WDR70: variants seen among roughly 807,000 people sequenced by gnomAD.
WDR70 encodes the protein WD repeat domain 70.
In WDR70, 53 loss-of-function variants were observed where a neutral mutation model predicts 88.6. The observed-to-expected ratio is 0.60, with a 90% CI of 0.48 to 0.75. The LOEUF is 0.75. Ranked by LOEUF, WDR70 falls within the 30% of genes least tolerant of loss-of-function variation. The pLI, the probability that WDR70 is intolerant of heterozygous loss-of-function variation, is 0.00. For synonymous variants in WDR70, 280 were observed against 270.0 expected (o/e 1.04, Z -0.36); for missense variants, 610 against 823.2 (o/e 0.74, Z 3.17).
intron 8 of WDR70, among the ~76,000 whole-genome samples, chr5:37,505,274 A>G (rs1490726499): frequency 6.6e-6 from 1 of 152,198 alleles, no homozygotes; most frequent in African/African-American, 2.4e-5. Flanking sequence ...TGGTATTTGA[A>G]TTAAATGAAT....
intron 5 of WDR70, among the ~76,000 whole-genome samples, chr5:37,431,422 A>T (rs1184421148): frequency 6.6e-6 from 1 of 151,462 alleles, no homozygotes; most frequent in Non-Finnish European, 1.5e-5. Flanking sequence ...ATGTCAATTC[A>T]GGTCCTCTCT....
intron 5 of WDR70, among the ~76,000 whole-genome samples, chr5:37,405,428 C>T (rs1749323894): frequency 1.3e-5 from 2 of 151,574 alleles, no homozygotes; most frequent in Admixed American, 1.3e-4. Flanking sequence ...TGGCTCACTG[C>T]AACCTCTGCC....
chr5:37,439,603 T>A (rs1750589672), intron 6 of WDR70, among the ~76,000 whole-genome samples: 2 of 149,310 alleles, frequency 1.3e-5, no homozygotes, highest in Non-Finnish European at 1.5e-5. Context: ...TTAGAGTGTC[T>A]AATTATACTC....
At chr5:37,485,877 T>A (rs1419407245) in intron 8 of WDR70, among the ~76,000 whole-genome samples, 1 of 138,036 alleles carries the variant, frequency 7.2e-6, no homozygotes, top group Admixed American at 7.3e-5. Context: ...TTTTTTTTTT[T>A]TTTTTTTTTG....
At chr5:37,445,424 A>G (rs1352192590) in intron 7 of WDR70, among the ~76,000 whole-genome samples, 5 of 151,542 alleles carry the variant, frequency 3.3e-5, no homozygotes, top group African/African-American at 9.7e-5. Flanking sequence ...CTATTCTGTT[A>G]TTTCATCTGC....
At chr5:37,393,639 T>C (rs942990369) in intron 4 of WDR70, among the ~76,000 whole-genome samples, 1 of 152,178 alleles carries the variant, frequency 6.6e-6, no homozygotes, top group Admixed American at 6.5e-5. Context: ...TGTTGTTTTA[T>C]TTTCATGTAT....
chr5:37,734,124 C>T (rs870101), intron 17 of WDR70, among the ~76,000 whole-genome samples: 3 of 152,094 alleles, frequency 2.0e-5, no homozygotes, highest in Non-Finnish European at 4.4e-5. Flanking sequence ...AAGTGTACCT[C>T]CTCCTTTCCA....
intron 7 of WDR70, among the ~76,000 whole-genome samples, chr5:37,463,381 C>T (rs530134444): frequency 1.3e-5 from 2 of 152,278 alleles, no homozygotes; most frequent in East Asian, 3.9e-4. Context: ...GACTCACATT[C>T]CAGTGCACTT....
chr5:37,462,721 A>AC (rs1380720910), intron 7 of WDR70, among the ~76,000 whole-genome samples: 1 of 151,990 alleles, frequency 6.6e-6, no homozygotes, highest in Admixed American at 6.6e-5. Flanking sequence ...AAGATTTTAT[A>AC]CCCCTCAAAT....
At chr5:37,712,982 G>A (rs376462852) in intron 13 of WDR70, among the ~76,000 whole-genome samples, 7 of 152,214 alleles carry the variant, frequency 4.6e-5, no homozygotes, top group South Asian at 2.1e-4. Flanking sequence ...GTGAGCCATC[G>A]CGCCTGGCCT....
intron 13 of WDR70, among the ~76,000 whole-genome samples, chr5:37,708,879 C>T (rs1327214250): frequency 1.3e-5 from 2 of 152,150 alleles, no homozygotes; most frequent in African/African-American, 4.8e-5. Context: ...GATACTATGC[C>T]TGTGAAAGTT....
At chr5:37,751,719 C>A (rs1748819689) in intron 17 of WDR70, among the ~76,000 whole-genome samples, 1 of 152,104 alleles carries the variant, frequency 6.6e-6, no homozygotes, top group Non-Finnish European at 1.5e-5. Flanking sequence ...AAAATAAAAT[C>A]AGAGTAGCAT....
At chr5:37,508,091 T>C (rs986578455) in intron 8 of WDR70, among the ~76,000 whole-genome samples, 6 of 152,214 alleles carry the variant, frequency 3.9e-5, no homozygotes, top group African/African-American at 1.4e-4. Context: ...TACCATTAAA[T>C]AGGTAGTTAA....
intron 8 of WDR70, chr5:37,506,950 A>G (rs1740578166): frequency 1.4e-6 from 1 of 717,968 alleles, no homozygotes; most frequent in Admixed American, 2.0e-5. Context: ...CCTTCCCTCC[A>G]CCCACTTGGA....
chr5:37,713,645 G>A (rs1554014342), intron 13 of WDR70, among the ~76,000 whole-genome samples: 1 of 151,670 alleles, frequency 6.6e-6, no homozygotes, highest in Non-Finnish European at 1.5e-5. Flanking sequence ...TCACTAGGGA[G>A]AAACATACTT....
At chr5:37,626,759 T>C (rs1744675783) in intron 10 of WDR70, among the ~76,000 whole-genome samples, 1 of 152,160 alleles carries the variant, frequency 6.6e-6, no homozygotes. Context: ...GACTTTTTTG[T>C]TGTTGAAAGA....
chr5:37,387,323 TTA>T (rs1748652350), intron 3 of WDR70, among the ~76,000 whole-genome samples: 1 of 152,152 alleles, frequency 6.6e-6, no homozygotes, highest in African/African-American at 2.4e-5. Flanking sequence ...GCAAAGTACT[TTA>T]TAAATATTAT....
At chr5:37,477,084 A>G (rs1739509145) in intron 7 of WDR70, among the ~76,000 whole-genome samples, 1 of 152,208 alleles carries the variant, frequency 6.6e-6, no homozygotes. Context: ...TAAACCATTC[A>G]GGTGGTATTG....
At chr5:37,587,563 AC>A (rs1278034590) in intron 9 of WDR70, among the ~76,000 whole-genome samples, 1 of 151,986 alleles carries the variant, frequency 6.6e-6, no homozygotes, top group Non-Finnish European at 1.5e-5. Context: ...TTTCTGGGTG[AC>A]TGCCTCATGA....
Sources: allele counts gnomAD v4.1 joint callset (sites outside exome capture counted in the v4.1 genomes callset), GRCh38; gene constraint gnomAD v4.1.1; transcripts MANE v1.5; gene names NCBI Gene and HGNC (gene_info 2026-07-23, HGNC 2026-07-21).